Variants in ORC1 observed in about 807,000 individuals in gnomAD.
ORC1 encodes origin recognition complex, subunit 1 homolog.
A neutral mutation model predicts 98.9 loss-of-function variants in ORC1; 61 were observed. The ratio of observed to expected loss-of-function variants is 0.62; its 90% CI spans 0.50 to 0.76. ORC1 has a LOEUF of 0.76. ORC1 is among the 30% of genes least tolerant of loss of function. The pLI is 0.00. For synonymous variants in ORC1, 385 were observed against 406.9 expected (o/e 0.95, Z 0.65); for missense variants, 979 against 1,072.2 (o/e 0.91, Z 1.21).
intron 9 of ORC1, among the ~76,000 whole-genome samples, chr1:52,385,468 T>C (rs1318489276): frequency 6.6e-6 from 1 of 152,170 alleles, no homozygotes; most frequent in African/African-American, 2.4e-5. Flanking sequence ...CCAAATCACA[T>C]GGGTGGACCT....
chr1:52,386,367 T>C (rs920260219), intron 8 of ORC1, among the ~76,000 whole-genome samples: 6 of 152,192 alleles, frequency 3.9e-5, no homozygotes, highest in Non-Finnish European at 5.9e-5. Context: ...TTTGAAGATA[T>C]GGCCAAGCAT....
chr1:52,401,344 T>A lies in ORC1; in HGVS notation c.223+18A>T. The A allele has an allele frequency of 6.2e-7, 1 of 1,613,768 alleles. No homozygotes were observed. On this transcript the variant is annotated intron_variant, in intron 3 of 16. Coordinates refer to ENST00000371568, the MANE Select transcript of ORC1 (RefSeq NM_004153.4). ...ATTCATGACAAGGAATGGTTTATTA[T>A]TCCAGTCCCAAACTCACCATCTTCG...
intron 7 of ORC1, among the ~76,000 whole-genome samples, 176 bp from the exon 8 acceptor site, chr1:52,388,813 C>T (rs978778923): frequency 2.6e-5 from 4 of 152,018 alleles, no homozygotes; most frequent in African/African-American, 9.7e-5. Flanking sequence ...CATTAAACCC[C>T]TCAACAACTT....
chr1:52,408,404 A>G (rs540876465), upstream of ORC1: 28 of 871,480 alleles, frequency 3.2e-5, no homozygotes, highest in South Asian at 3.4e-4. Context: ...TCAGGTCTCC[A>G]TATTTTAGCT....
At chr1:52,385,753 A>G (rs1647134054) in intron 9 of ORC1, 99 bp downstream of exon 9, 1 of 803,906 alleles carries the variant, frequency 1.2e-6, no homozygotes, top group African/African-American at 1.7e-5. Flanking sequence ...CAGTGTATCT[A>G]CCTTTATTAG....
chr1:52,395,859 G>C (rs1647368996), intron 5 of ORC1, among the ~76,000 whole-genome samples, 187 bp downstream of exon 5: 1 of 152,172 alleles, frequency 6.6e-6, no homozygotes, highest in South Asian at 2.1e-4. Context: ...GCCAAGTGCA[G>C]TGATGTACCC....
chr1:52,385,928 A>G lies in ORC1; in HGVS notation c.1405T>C (p.Cys469Arg), dbSNP rs144848215. The change falls in exon 9 of 17, where the codon TGT (cysteine) becomes CGT (arginine). Residue 469 changes from cysteine (C) to arginine (R), a missense_variant. By Grantham distance (180) the Cys-to-Arg change is radical (BLOSUM62 -3). Transcript: ENST00000371568. The stretch of plus-strand genomic sequence containing the variant: ...CGACTACGGATCTGAGGAGCGGCAC[A>G]ACGTGGCGTTCTAGGCTTGAGCTGT... ...KKSLKPRTPR[C>R]AAPQIRSRSL... 1.7e-4 allele frequency: 276 copies of G among 1,613,662 alleles called. 1 individual carries two copies. The Admixed American group carries it at 2.3e-3, about 14-fold the overall frequency.
upstream of ORC1, chr1:52,404,588 A>G (rs1647910246): frequency 1.6e-6 from 1 of 635,504 alleles, no homozygotes; most frequent in African/African-American, 1.8e-5. Context: ...CGACGCGGGG[A>G]GCGGAAGCCC....
intron 3 of ORC1, among the ~76,000 whole-genome samples, chr1:52,398,152 C>T (rs139933080): frequency 4.6e-5 from 7 of 152,128 alleles, no homozygotes; most frequent in East Asian, 1.9e-4. Flanking sequence ...TCAGTAGAAA[C>T]GAGGTCTCAC....
At chr1:52,406,801 T>C (rs756231108), upstream of ORC1, among the ~76,000 whole-genome samples, 1 of 152,198 alleles carries the variant, frequency 6.6e-6, no homozygotes, top group African/African-American at 2.4e-5. Flanking sequence ...CCTTCTAAAC[T>C]TTTAATCCCT....
intron 8 of ORC1, among the ~76,000 whole-genome samples, chr1:52,387,138 G>A (rs1275401540): frequency 2.0e-5 from 3 of 152,090 alleles, no homozygotes; most frequent in Admixed American, 6.5e-5. Flanking sequence ...TCAAACCAGA[G>A]GCCTGTTAGG....
At position 52,374,894 on chromosome 1, in the gene ORC1, A is replaced by G. The variant is rs891495303; in HGVS notation, c.2307T>C (p.Asn769=). Reference sequence around the variant, plus strand: ...GGAAGCTCTGTTCCAGAACAGAGGAATTTCTTAAAGGAAACGAGGGGATGT... The same window carrying G: ...GGAAGCTCTGTTCCAGAACAGAGGAGTTTCTTAAAGGAAACGAGGGGATGT... ...FSSSYITAIK[N]SSVLEQSFLR... is the part of the protein sequence containing the mutation. Residue 769 remains asparagine (N), a synonymous_variant, in exon 16 of 17, where the codon AAT becomes AAC. Transcript: ENST00000371568. 2.5e-6 allele frequency: 4 copies of G among 1,610,638 alleles called. No homozygotes were observed. Among genetic ancestry groups the G allele is most frequent in the Non-Finnish European group, 2.5e-6 (3 of 1,176,822 alleles).
chr1:52,386,512 A>T (rs1265563825), intron 8 of ORC1, among the ~76,000 whole-genome samples: 1 of 152,166 alleles, frequency 6.6e-6, no homozygotes, highest in African/African-American at 2.4e-5. Context: ...GGCTTGCTAG[A>T]ACAAGCCTGC....
At chr1:52,401,681 G>C (rs2147947790) in intron 2 of ORC1, among the ~76,000 whole-genome samples, 192 bp from the exon 3 acceptor site, 1 of 152,218 alleles carries the variant, frequency 6.6e-6, no homozygotes, top group East Asian at 1.9e-4. Flanking sequence ...TTTTAGCTGA[G>C]TAATGAATCC....
At chr1:52,373,508 G>T (rs1279705738) in intron 16 of ORC1, 133 bp from the exon 17 acceptor site, 2 of 762,166 alleles carry the variant, frequency 2.6e-6, no homozygotes, top group Non-Finnish European at 4.5e-6. Context: ...GGCATCAGTT[G>T]GTGCCCCAGT....
chr1:52,397,834 G>C lies in ORC1; in HGVS notation c.253C>G (p.Arg85Gly), dbSNP rs750208642. The C allele has an allele frequency of 6.2e-7, 1 of 1,614,206 alleles. No individual in the cohort carries two copies. Among genetic ancestry groups the C allele is most frequent in the African/African-American group, 1.3e-5 (1 of 75,044 alleles). The change falls in exon 4 of 17, where the codon CGA becomes GGA. Residue 85 changes from arginine to glycine, a missense_variant. Coordinates refer to ENST00000371568, the MANE Select transcript of ORC1 (RefSeq NM_004153.4). ...CAGAATCGGACAAACCACTGTACTC[G>C]AGCACGTTTCTTAGGAGGAGGATCA... ...DSDPPPKKRA[R>G]VQWFVRFCEV...
At chr1:52,399,029 C>T (rs898515414) in intron 3 of ORC1, among the ~76,000 whole-genome samples, 2 of 152,202 alleles carry the variant, frequency 1.3e-5, no homozygotes, top group African/African-American at 4.8e-5. Context: ...AGCCCACACA[C>T]CCGCTCTTCT....
chr1:52,398,987 G>C (rs1376122923), intron 3 of ORC1, among the ~76,000 whole-genome samples: 2 of 152,112 alleles, frequency 1.3e-5, no homozygotes, highest in Non-Finnish European at 2.9e-5. Context: ...GTTTGTCAAA[G>C]GTCACATGAC....
chr1:52,391,493 C>CGG (rs1647210675), intron 6 of ORC1, among the ~76,000 whole-genome samples: 2 of 152,058 alleles, frequency 1.3e-5, no homozygotes, highest in African/African-American at 2.4e-5. Context: ...GCAGACAACC[C>CGG]ACAGAGTGGG....
Sources: allele counts gnomAD v4.1 joint callset (sites outside exome capture counted in the v4.1 genomes callset), GRCh38; gene constraint gnomAD v4.1.1; transcripts MANE v1.5; gene names NCBI Gene and HGNC (gene_info 2026-07-23, HGNC 2026-07-21).